TPD52: variants seen among roughly 807,000 people sequenced by gnomAD.
TPD52 encodes the protein tumor protein D52.
TPD52 carries 17 observed loss-of-function variants against 31.3 expected under a neutral mutation model. That is an observed-to-expected ratio of 0.54 (90% CI 0.37 to 0.82). The LOEUF (loss-of-function observed/expected upper bound fraction) is 0.82. Ranked by LOEUF, TPD52 falls within the 40% of genes least tolerant of loss-of-function variation. TPD52 has a pLI of 0.00. For synonymous variants in TPD52, 83 were observed against 89.6 expected (o/e 0.93, Z 0.42); for missense variants, 212 against 240.1 (o/e 0.88, Z 0.77).
chr8:80,041,988 C>T (rs1033307357), intron 7 of TPD52, among the ~76,000 whole-genome samples: 1 of 151,924 alleles, frequency 6.6e-6, no homozygotes, highest in Non-Finnish European at 1.5e-5. Flanking sequence ...ACTCGGGAGG[C>T]TGAGGCAGGA....
intron 1 of TPD52, among the ~76,000 whole-genome samples, chr8:80,136,711 T>C (rs1028688661): frequency 1.3e-5 from 2 of 151,956 alleles, no homozygotes; most frequent in Admixed American, 6.6e-5. Context: ...TTCTGAACAC[T>C]CAACAGCTCC....
intron 1 of TPD52, among the ~76,000 whole-genome samples, chr8:80,138,882 T>G (rs559499871): frequency 6.6e-6 from 1 of 152,310 alleles, no homozygotes; most frequent in East Asian, 1.9e-4. Flanking sequence ...CCATAAAATA[T>G]TAGTATTCTC....
chr8:80,129,844 C>A (rs868283447), intron 1 of TPD52, among the ~76,000 whole-genome samples: 1 of 151,926 alleles, frequency 6.6e-6, no homozygotes, highest in Non-Finnish European at 1.5e-5. Flanking sequence ...GGACTACAGG[C>A]GCACGCCACC....
chr8:80,140,887 G>GT (rs532892944), intron 1 of TPD52, among the ~76,000 whole-genome samples: 90 of 151,850 alleles, frequency 5.9e-4, no homozygotes, highest in Non-Finnish European at 7.4e-4. Flanking sequence ...ACAATCTCAG[G>GT]AAGTTCTGTC....
chr8:80,114,804 C>T (rs758560548), intron 1 of TPD52, among the ~76,000 whole-genome samples: 4 of 152,196 alleles, frequency 2.6e-5, no homozygotes, highest in African/African-American at 9.6e-5. Flanking sequence ...AGAAACTACT[C>T]TCCAAGGTCT....
intron 1 of TPD52, among the ~76,000 whole-genome samples, chr8:80,107,903 T>C (rs1169537300): frequency 1.3e-5 from 2 of 152,216 alleles, no homozygotes; most frequent in East Asian, 1.9e-4. Flanking sequence ...CTCTGCTAGA[T>C]GTTTAAGATC....
intron 3 of TPD52, among the ~76,000 whole-genome samples, chr8:80,052,065 A>G: frequency 6.6e-6 from 1 of 152,250 alleles, no homozygotes; most frequent in East Asian, 1.9e-4. Flanking sequence ...AGCAATTAGT[A>G]GCTGGCGTAA....
chr8:80,107,754 T>TC (rs1391979882), intron 1 of TPD52, among the ~76,000 whole-genome samples: 1 of 152,190 alleles, frequency 6.6e-6, no homozygotes, highest in African/African-American at 2.4e-5. Context: ...AATGTGTGTT[T>TC]TTTTTTTAAT....
At chr8:80,041,241 T>C (rs139599390) in intron 7 of TPD52, among the ~76,000 whole-genome samples, 5,163 of 152,184 alleles carry the variant, frequency 0.034, 128 homozygotes, top group African/African-American at 0.071. Flanking sequence ...TGTATACCTA[T>C]GTAACAAGCC....
intron 1 of TPD52, among the ~76,000 whole-genome samples, chr8:80,105,667 A>G (rs1807052096): frequency 6.6e-6 from 1 of 150,586 alleles, no homozygotes; most frequent in Non-Finnish European, 1.5e-5. Context: ...AACCTTCTGG[A>G]CTTAAGCAAT....
chr8:80,039,992 G>T (rs1177228039), intron 7 of TPD52, among the ~76,000 whole-genome samples: 2 of 151,894 alleles, frequency 1.3e-5, no homozygotes. Flanking sequence ...GCTCACTGTG[G>T]TAACTCTGGT....
chr8:80,068,891 A>T (rs1209595064), intron 1 of TPD52, among the ~76,000 whole-genome samples: 1 of 152,224 alleles, frequency 6.6e-6, no homozygotes. Context: ...CATGGTTATC[A>T]CCTGCAAACA....
At chr8:80,080,087 C>G (rs775839218) in intron 1 of TPD52, among the ~76,000 whole-genome samples, 1 of 152,160 alleles carries the variant, frequency 6.6e-6, no homozygotes, top group Non-Finnish European at 1.5e-5. Context: ...GTCTAGTGAT[C>G]GCATAAATAG....
chr8:80,063,704 G>A (rs1345204704), intron 2 of TPD52, among the ~76,000 whole-genome samples: 1 of 151,886 alleles, frequency 6.6e-6, no homozygotes, highest in African/African-American at 2.4e-5. Context: ...GGCTGAGGCA[G>A]GAGAATCACT....
chr8:80,119,587 A>G (rs10957961), intron 1 of TPD52, among the ~76,000 whole-genome samples: 98,428 of 152,084 alleles, frequency 0.65, 33,444 homozygotes, highest in African/African-American at 0.87. Context: ...GGGAAACTAT[A>G]GTGAATGAGT....
intron 1 of TPD52, among the ~76,000 whole-genome samples, chr8:80,094,451 T>C (rs1336784387): frequency 4.7e-5 from 3 of 63,888 alleles, no homozygotes; most frequent in Admixed American, 4.2e-4. Context: ...TATATATATA[T>C]ATATATATAT....
intron 1 of TPD52, among the ~76,000 whole-genome samples, chr8:80,069,404 T>G (rs1052561145): frequency 6.6e-6 from 1 of 152,088 alleles, no homozygotes; most frequent in African/African-American, 2.4e-5. Context: ...AGGTTGAAGC[T>G]GAATGAGCTG....
At chr8:80,151,814 TAAA>T (rs1810587640) in intron 1 of TPD52, among the ~76,000 whole-genome samples, 1 of 152,238 alleles carries the variant, frequency 6.6e-6, no homozygotes, top group Non-Finnish European at 1.5e-5. Context: ...AAATAATGAA[TAAA>T]TGCCAATTAG....
At position 80,124,772 on chromosome 8, in the gene TPD52, C is replaced by T. The variant is rs920276100; in HGVS notation, c.19+46653G>A. On this transcript the variant is annotated intron_variant, in intron 1 of 7. Transcript: ENST00000518937. ...ATCATCTTTTTTGCCATGCTTAGCA[C>T]GTATTCTGATCCCAGGACCATTTGA... Among the ~76,000 whole-genome samples, 6 of 152,116 alleles carry T rather than the reference C, an allele frequency of 3.9e-5. No homozygotes were observed. The South Asian group carries it at 8.3e-4, about 21-fold the overall frequency.
Sources: allele counts gnomAD v4.1 joint callset (sites outside exome capture counted in the v4.1 genomes callset), GRCh38; gene constraint gnomAD v4.1.1; transcripts MANE v1.5; gene names NCBI Gene and HGNC (gene_info 2026-07-23, HGNC 2026-07-21).